The following COMMD3 variants were observed in gnomAD, a reference collection of about 807,000 sequenced individuals.
The protein encoded by COMMD3 is COMM domain containing 3.
In COMMD3, 31 loss-of-function variants were observed where a neutral mutation model predicts 31.2. That is an observed-to-expected ratio of 0.99 (90% CI 0.75 to 1.34). The LOEUF (loss-of-function observed/expected upper bound fraction) is 1.34, where lower values mean the gene tolerates loss of function less well. COMMD3 is among the 40% of genes most tolerant of loss of function. COMMD3 has a pLI of 0.00. For missense variants in COMMD3, 274 were observed against 236.9 expected, an observed-to-expected ratio of 1.16 and a Z score of -1.03; for synonymous variants, 108 against 87.3, an observed-to-expected ratio of 1.24 and a Z score of -1.32.
At position 22,318,124 on chromosome 10, in the gene COMMD3, A is replaced by G; in HGVS notation, c.271A>G (p.Lys91Glu). ...TTCTAGCACTTATCTAGAAGACTGT[A>G]AATTTGACAGAGAGCGAATAGAACT... ...STLSTYLEDCKFDRERIELFC... is the reference protein window; with the variant it reads ...STLSTYLEDCEFDRERIELFC... The change falls in exon 3 of 8, where the codon AAA becomes GAA. Residue 91 changes from lysine to glutamate, a missense_variant. By Grantham distance (56) the Lys-to-Glu change is moderately conservative. Transcript: ENST00000376836. The G allele has an allele frequency of 6.2e-7, 1 of 1,612,834 alleles. No homozygotes were observed. Among genetic ancestry groups the G allele is most frequent in the East Asian group, 2.2e-5 (1 of 44,820 alleles).
In COMMD3 at chr10:22,320,180, T is replaced by C; in HGVS notation, c.*182T>C. The C allele has an allele frequency of 6.8e-7, 1 of 1,473,112 alleles. No homozygotes were observed. The highest frequency in any genetic ancestry group is 9.1e-7 in the Non-Finnish European group (1 of 1,103,282). The allele number at this position is 1,473,112 out of a possible 1,614,324, so 91.3% of individuals were successfully genotyped here. A position where few individuals can be genotyped will look rare whatever the true frequency, so the allele number is the denominator to read the frequency against. Reference sequence around the variant, plus strand: ...GTGTGAAAGGGTTAAGAGGGAAAGATACTGCCCAAGTATTTGAATCGTTTA... The same window carrying C: ...GTGTGAAAGGGTTAAGAGGGAAAGACACTGCCCAAGTATTTGAATCGTTTA... On this transcript the variant is annotated 3_prime_UTR_variant, in exon 8 of 8. Transcript: ENST00000376836.
chr10:22,316,791 G>A (rs1235395128), intron 1 of COMMD3: 2 of 496,694 alleles, frequency 4.0e-6, no homozygotes, highest in Non-Finnish European at 6.3e-6. Context: ...TTCCTGGCCC[G>A]GTTTCCCTCC....
Position 22,316,388 on chromosome 10 carries a change from G to C in COMMD3, c.-30G>C, listed in dbSNP as rs767203858. 1 of 1,430,788 alleles carries C rather than the reference G, an allele frequency of 7.0e-7. No homozygotes were observed. The highest frequency in any genetic ancestry group is 9.3e-7 in the Non-Finnish European group (1 of 1,076,228). 88.6% of individuals were successfully genotyped at this position (1,430,788 alleles called of 1,614,324 possible). On this transcript the variant is annotated 5_prime_UTR_variant, in exon 1 of 8. Coordinates refer to ENST00000376836, the MANE Select transcript of COMMD3 (RefSeq NM_012071.4). ...GAGCGCGCGGCGCGTGTCACGTGGTGTGCGTGTCGAAGGTCACGGCGCGCT... is the reference window on the plus strand; with the variant it reads ...GAGCGCGCGGCGCGTGTCACGTGGTCTGCGTGTCGAAGGTCACGGCGCGCT...
At chr10:22,317,164 G>C (rs1451677364) in intron 1 of COMMD3, among the ~76,000 whole-genome samples, 1 of 152,104 alleles carries the variant, frequency 6.6e-6, no homozygotes, top group Non-Finnish European at 1.5e-5. Flanking sequence ...TAAGCGATCC[G>C]GTCAGTGACT....
At chr10:22,319,213 T>TA (rs2131993332) in intron 7 of COMMD3, 195 bp downstream of exon 7, 1 of 576,922 alleles carries the variant, frequency 1.7e-6, no homozygotes, top group East Asian at 3.0e-5. Flanking sequence ...AAGATGTTAT[T>TA]AATAGAGAAT....
At chr10:22,317,270 T>G (rs1835868532) in intron 1 of COMMD3, among the ~76,000 whole-genome samples, 1 of 152,162 alleles carries the variant, frequency 6.6e-6, no homozygotes, top group African/African-American at 2.4e-5. Flanking sequence ...CAATTCAAAT[T>G]TTTGTTTTTT....
chr10:22,318,256 T>G lies in COMMD3; in HGVS notation c.316-16T>G, dbSNP rs764454329. 3.1e-6 allele frequency: 5 copies of G among 1,601,702 alleles called. No homozygotes were observed. Among genetic ancestry groups the G allele is most frequent in the African/African-American group, 2.7e-5 (2 of 73,698 alleles). ...GTTTTTTTTTCTTTCTTTCTTGCTT[T>G]CTTTTTTCTCTCCAGAATAATAAGA... On this transcript the variant is annotated splice_polypyrimidine_tract_variant and intron_variant, in intron 3 of 7. Transcript: ENST00000376836.
chr10:22,320,206 G>C lies in COMMD3; in HGVS notation c.*208G>C, dbSNP rs1391990893. 3.0e-6 allele frequency: 4 copies of C among 1,330,164 alleles called. No homozygotes were observed. The highest frequency in any genetic ancestry group is 4.0e-6 in the Non-Finnish European group (4 of 994,872). The allele number at this position is 1,330,164 out of a possible 1,614,324, so 82.4% of individuals were successfully genotyped here. A position where few individuals can be genotyped will look rare whatever the true frequency, so the allele number is the denominator to read the frequency against. On this transcript the variant is annotated 3_prime_UTR_variant, in exon 8 of 8. Coordinates refer to ENST00000376836, the MANE Select transcript of COMMD3 (RefSeq NM_012071.4). ...ACTGCCCAAGTATTTGAATCGTTTAGTAGTAACTGTCCATTTATCCTATTT... is the reference window on the plus strand; with the variant it reads ...ACTGCCCAAGTATTTGAATCGTTTACTAGTAACTGTCCATTTATCCTATTT...
Position 22,317,909 on chromosome 10 carries a change from C to G in COMMD3, c.165C>G (p.Asp55Glu). 1 of 1,613,970 alleles carries G rather than the reference C, an allele frequency of 6.2e-7. No homozygotes were observed. The highest frequency in any genetic ancestry group is 2.2e-5 in the East Asian group (1 of 44,850). ...VLDHPDLKHIDPVVLKHCHAA... is the reference protein window; with the variant it reads ...VLDHPDLKHIEPVVLKHCHAA... ...ATCATCCAGACTTGAAACATATCGA[C>G]CCAGTGGTTTTAAAACATTGTCATG... Residue 55 changes from aspartate (D) to glutamate (E), a missense_variant, in exon 2 of 8, where the codon GAC becomes GAG. Coordinates refer to ENST00000376836, the MANE Select transcript of COMMD3 (RefSeq NM_012071.4).
chr10:22,320,226 C>A lies in COMMD3; in HGVS notation c.*228C>A. On this transcript the variant is annotated 3_prime_UTR_variant, in exon 8 of 8. Coordinates refer to ENST00000376836, the MANE Select transcript of COMMD3 (RefSeq NM_012071.4). ...GTTTAGTAGTAACTGTCCATTTATC[C>A]TATTTTGATCTTTTTCAAGTCTTCT... The A allele has an allele frequency of 8.3e-7, 1 of 1,198,580 alleles. No individual in the cohort carries two copies. Among genetic ancestry groups the A allele is most frequent in the Non-Finnish European group, 1.1e-6 (1 of 890,454 alleles). The allele number at this position is 1,198,580 out of a possible 1,614,324, so 74.2% of individuals were successfully genotyped here. A position where few individuals can be genotyped will look rare whatever the true frequency, so the allele number is the denominator to read the frequency against.
chr10:22,318,423 C>A, intron 4 of COMMD3, 117 bp downstream of exon 4: 2 of 1,395,256 alleles, frequency 1.4e-6, no homozygotes, highest in Non-Finnish European at 2.0e-6. Flanking sequence ...AGCCAAAGGG[C>A]ATGTCAAGCA....
intron 4 of COMMD3, 165 bp from the exon 5 acceptor site, chr10:22,318,488 C>T: frequency 1.9e-6 from 2 of 1,079,242 alleles, no homozygotes; most frequent in Non-Finnish European, 2.7e-6. Flanking sequence ...TTTTGAAATG[C>T]TCCTTTACCA....
In COMMD3 at chr10:22,318,818, C is replaced by G. The variant is rs377619160; in HGVS notation, c.424C>G (p.His142Asp). Residue 142 changes from histidine to aspartate, a missense_variant, in exon 6 of 8, where the codon CAT becomes GAT. His to Asp is a moderately conservative substitution (Grantham distance 81, BLOSUM62 -1). Transcript: ENST00000376836. ...LEYQIKTNQL[H>D]RMYRPAYLVT... ...TGTGTTATTTTAGACCAATCAACTT[C>G]ATAGGATGTACAGACCTGCATATTT... 1.9e-6 allele frequency: 3 copies of G among 1,613,820 alleles called. No homozygotes were observed. The African/African-American group carries it at 4.0e-5, about 22-fold the overall frequency.
chr10:22,316,646 C>T, intron 1 of COMMD3, 90 bp downstream of exon 1: 2 of 1,380,908 alleles, frequency 1.4e-6, no homozygotes, highest in Admixed American at 6.0e-5. Context: ...AGGGGAAAGC[C>T]CCGGGAAGAG....
chr10:22,318,390 G>A (rs943086063), intron 4 of COMMD3, 84 bp downstream of exon 4: 34 of 1,531,444 alleles, frequency 2.2e-5, no homozygotes, highest in East Asian at 6.8e-5. Context: ...CAAGATCTTC[G>A]GGATCTTGAC....
chr10:22,320,117 G>C lies in COMMD3; in HGVS notation c.*119G>C. The C allele has an allele frequency of 6.3e-7, 1 of 1,581,434 alleles. No homozygotes were observed. Among genetic ancestry groups the C allele is most frequent in the Non-Finnish European group, 8.6e-7 (1 of 1,162,796 alleles). The stretch of plus-strand genomic sequence containing the variant: ...TTCAGTAGAAAAGAATTTTCCTTTT[G>C]AATTTATACCATTCATCAATTTTGA... On this transcript the variant is annotated 3_prime_UTR_variant, in exon 8 of 8. Coordinates refer to ENST00000376836, the MANE Select transcript of COMMD3 (RefSeq NM_012071.4).
Position 22,320,057 on chromosome 10 carries a change from A to T in COMMD3, c.*59A>T, listed in dbSNP as rs151178813. 1 of 1,613,828 alleles carries T rather than the reference A, an allele frequency of 6.2e-7. No individual in the cohort carries two copies. Among genetic ancestry groups the T allele is most frequent in the Admixed American group, 1.7e-5 (1 of 59,996 alleles). ...GGAAAACCAGAAACGCCTTGCCTTC[A>T]GCTGAACCACCGTTTGTGCGAGCTG... On this transcript the variant is annotated 3_prime_UTR_variant, in exon 8 of 8. Transcript: ENST00000376836.
intron 1 of COMMD3, 121 bp from the exon 2 acceptor site, chr10:22,317,763 T>C: frequency 1.1e-6 from 1 of 943,882 alleles, no homozygotes; most frequent in Non-Finnish European, 1.6e-6. Flanking sequence ...TTGACTGTCC[T>C]TATAGTTGAT....
rs1339580097 is a variant in COMMD3, at chr10:22,317,890, C to G, written c.146C>G (p.Pro49Arg). 3 of 1,613,464 alleles carry G rather than the reference C, an allele frequency of 1.9e-6. No individual in the cohort carries two copies. The highest frequency in any genetic ancestry group is 2.5e-6 in the Non-Finnish European group (3 of 1,179,740). ...AQADEAVLDH[P>R]DLKHIDPVVL... Reference sequence around the variant, plus strand: ...GGAAGTTAATTTATTTTAGATCATCCAGACTTGAAACATATCGACCCAGTG... The same window carrying G: ...GGAAGTTAATTTATTTTAGATCATCGAGACTTGAAACATATCGACCCAGTG... Residue 49 changes from proline to arginine, a missense_variant, in exon 2 of 8, where the codon CCA becomes CGA. Transcript: ENST00000376836.
Sources: allele counts gnomAD v4.1 joint callset (sites outside exome capture counted in the v4.1 genomes callset), GRCh38; gene constraint gnomAD v4.1.1; transcripts MANE v1.5; gene names NCBI Gene and HGNC (gene_info 2026-07-23, HGNC 2026-07-21).